MGST3: variants seen among roughly 807,000 people sequenced by gnomAD.
The protein encoded by MGST3 is microsomal glutathione S-transferase 3, also known as glutathione S-transferase 3, mitochondrial.
MGST3 carries 13 observed loss-of-function variants against 15.8 expected under a neutral mutation model. The observed-to-expected ratio is 0.82, with a 90% CI of 0.54 to 1.31. The LOEUF (loss-of-function observed/expected upper bound fraction) is 1.31. MGST3 is among the 50% of genes most tolerant of loss of function. The probability of loss-of-function intolerance (pLI) is 0.00; values close to 1 mark genes in which losing one functional copy is unlikely to be tolerated. For missense variants in MGST3, 155 were observed against 192.4 expected (o/e 0.81, Z 1.15); for synonymous variants, 49 against 68.1 (o/e 0.72, Z 1.38).
At position 165,655,646 on chromosome 1, in the gene MGST3, G is replaced by A. The variant is rs547905565; in HGVS notation, c.*142G>A. 188 of 995,202 alleles carry A rather than the reference G, an allele frequency of 1.9e-4. No homozygotes were observed. Among genetic ancestry groups the A allele is most frequent in the Non-Finnish European group, 2.5e-4 (170 of 671,290 alleles). The allele number at this position is 995,202 out of a possible 1,614,324, so 61.6% of individuals were successfully genotyped here. On this transcript the variant is annotated 3_prime_UTR_variant, in exon 6 of 6. Transcript: ENST00000367889. Reference sequence around the variant, plus strand: ...CTCCTGACTCTTACCACTCATTTCCGTTTGAGTCTGTATCTGAAATCAGTA... The same window carrying A: ...CTCCTGACTCTTACCACTCATTTCCATTTGAGTCTGTATCTGAAATCAGTA...
At chr1:165,649,144 T>G (rs1367110076) in intron 1 of MGST3, 1 of 152,822 alleles carries the variant, frequency 6.5e-6, no homozygotes, top group Non-Finnish European at 1.5e-5. Context: ...TCAGGAGCCA[T>G]GCTCTGCTTT....
Position 165,655,863 on chromosome 1 carries a change from G to C in MGST3, c.*359G>C. The C allele has an allele frequency of 3.6e-6, 1 of 279,956 alleles. No individual in the cohort carries two copies. Among genetic ancestry groups the C allele is most frequent in the Non-Finnish European group, 6.9e-6 (1 of 144,172 alleles). The allele number at this position is 279,956 out of a possible 1,614,324, so 17.3% of individuals were successfully genotyped here. ...AGGATATGCATTATCACTTGCTACA[G>C]ATACTCCAAGGCCAAAGGAATGCTT... On this transcript the variant is annotated 3_prime_UTR_variant, in exon 6 of 6. Coordinates refer to ENST00000367889, the MANE Select transcript of MGST3 (RefSeq NM_004528.4).
At chr1:165,633,450 TTTTA>T (rs1190156066) in intron 1 of MGST3, among the ~76,000 whole-genome samples, 1 of 152,238 alleles carries the variant, frequency 6.6e-6, no homozygotes. Context: ...CTTCATTTTT[TTTTA>T]TTTTTTTAAA....
intron 1 of MGST3, among the ~76,000 whole-genome samples, chr1:165,632,762 T>C (rs896997733): frequency 6.6e-6 from 1 of 152,160 alleles, no homozygotes; most frequent in East Asian, 1.9e-4. Context: ...TTTCTTCCTG[T>C]TGGCTTAGAG....
rs1289488860 is a variant in MGST3, at chr1:165,644,626, CAAT to C, written c.-7-5209_-7-5207del. 5.9e-5 allele frequency among the ~76,000 whole-genome samples: 9 copies of C among 152,236 alleles called. No homozygotes were observed. The East Asian group carries it at 1.7e-3, about 29-fold the overall frequency. ...CATTCATTTTTTAATATTTTATCTT[CAAT>C]AATAAGTTAAACTAGATTACTGAAG... is the stretch of plus-strand genomic sequence containing the variant. On this transcript the variant is annotated intron_variant, in intron 1 of 5. Coordinates refer to ENST00000367889, the MANE Select transcript of MGST3 (RefSeq NM_004528.4).
intron 1 of MGST3, among the ~76,000 whole-genome samples, chr1:165,634,486 A>G (rs1248179418): frequency 2.0e-5 from 3 of 152,152 alleles, no homozygotes; most frequent in Non-Finnish European, 4.4e-5. Context: ...GATTTCTCCT[A>G]CTTTTCTTCC....
intron 1 of MGST3, among the ~76,000 whole-genome samples, chr1:165,632,462 C>G (rs1647981049): frequency 6.6e-6 from 1 of 152,152 alleles, no homozygotes; most frequent in African/African-American, 2.4e-5. Context: ...TCAGAGAGCA[C>G]ATTGAGTCAG....
intron 1 of MGST3, among the ~76,000 whole-genome samples, chr1:165,642,064 T>G (rs1325561688): frequency 6.6e-6 from 1 of 152,186 alleles, no homozygotes; most frequent in Non-Finnish European, 1.5e-5. Context: ...TCCCTACCCA[T>G]TTATTTTGTT....
rs550297302 is a variant in MGST3, at chr1:165,650,566, T to G, written c.118-448T>G. The stretch of plus-strand genomic sequence containing the variant: ...AGTTTTTATATTTAGTTTCTTCTTT[T>G]TTTTCCCTTCCAGTGGACACTTCCA... On this transcript the variant is annotated intron_variant, in intron 2 of 5. Transcript: ENST00000367889. 5.0e-4 allele frequency: 92 copies of G among 184,150 alleles called. 1 individual carries two copies. The South Asian group carries it at 8.9e-3, about 18-fold the overall frequency. 11.4% of individuals were successfully genotyped at this position (184,150 alleles called of 1,614,324 possible).
intron 2 of MGST3, 135 bp downstream of exon 2, chr1:165,650,099 C>T (rs868073171): frequency 8.5e-6 from 11 of 1,297,972 alleles, no homozygotes; most frequent in East Asian, 7.3e-5. Context: ...ACTGTGTTAG[C>T]GATTCTGCTT....
At chr1:165,652,904 T>C (rs1648603515) in intron 4 of MGST3, among the ~76,000 whole-genome samples, 1 of 152,198 alleles carries the variant, frequency 6.6e-6, no homozygotes, top group South Asian at 2.1e-4. Context: ...CTCTAATTAA[T>C]TGCCATTTGG....
At chr1:165,638,240 A>C (rs1648166804) in intron 1 of MGST3, among the ~76,000 whole-genome samples, 1 of 152,234 alleles carries the variant, frequency 6.6e-6, no homozygotes, top group African/African-American at 2.4e-5. Flanking sequence ...GCACTTTGGG[A>C]GGCTGAGAGA....
intron 1 of MGST3, among the ~76,000 whole-genome samples, chr1:165,633,632 G>A (rs1482158193): frequency 6.6e-6 from 1 of 152,188 alleles, no homozygotes; most frequent in African/African-American, 2.4e-5. Flanking sequence ...AAAGCCAGCA[G>A]CCTAGGTGGT....
rs9333382 is a variant in MGST3, at chr1:165,633,163, CAGTT to C, written c.-8+1873_-8+1876del. Among the ~76,000 whole-genome samples the C allele has an allele frequency of 9.8e-3, 1,488 of 152,284 alleles. 52 individuals are homozygous for C. The highest frequency in any genetic ancestry group is 0.059 in the Admixed American group (904 of 15,296). On this transcript the variant is annotated intron_variant, in intron 1 of 5. Transcript: ENST00000367889. ...CCATCTTCCTGAACAAAAAATTTAGCAGTTAGCAGCAAGTAGATTATCGCTATGT... is the reference window on the plus strand; with the variant it reads ...CCATCTTCCTGAACAAAAAATTTAGCAGCAGCAAGTAGATTATCGCTATGT...
rs1648004881 is a variant in MGST3, at chr1:165,633,221, C to G, written c.-8+1928C>G. Among the ~76,000 whole-genome samples, 4 of 152,300 alleles carry G rather than the reference C, an allele frequency of 2.6e-5. No individual in the cohort carries two copies. The South Asian group carries it at 6.2e-4, about 24-fold the overall frequency. On this transcript the variant is annotated intron_variant, in intron 1 of 5. Transcript: ENST00000367889. Reference sequence around the variant, plus strand: ...ATAAAATTCCTGAGTTTCTGTCACTCGCTCTTACAGTACCTACCTGCCTAC... The same window carrying G: ...ATAAAATTCCTGAGTTTCTGTCACTGGCTCTTACAGTACCTACCTGCCTAC...
intron 4 of MGST3, among the ~76,000 whole-genome samples, chr1:165,653,166 G>T (rs916237523): frequency 6.6e-6 from 1 of 152,058 alleles, no homozygotes; most frequent in Non-Finnish European, 1.5e-5. Flanking sequence ...TATCTTTCTG[G>T]TGCCTCTAAA....
intron 1 of MGST3, among the ~76,000 whole-genome samples, chr1:165,641,147 C>T (rs757474014): frequency 2.0e-5 from 3 of 152,094 alleles, no homozygotes; most frequent in Non-Finnish European, 2.9e-5. Context: ...CGTGCCACTT[C>T]ACTCTAGCCT....
intron 4 of MGST3, among the ~76,000 whole-genome samples, chr1:165,652,392 G>C (rs1267604841): frequency 6.6e-6 from 1 of 152,122 alleles, no homozygotes; most frequent in Admixed American, 6.5e-5. Flanking sequence ...CACCACCTGG[G>C]GTAAAGCAGT....
intron 5 of MGST3, 135 bp from the exon 6 acceptor site, chr1:165,655,231 TAA>T (rs1648675755): frequency 9.4e-7 from 1 of 1,067,808 alleles, no homozygotes; most frequent in Non-Finnish European, 1.4e-6. Flanking sequence ...AGCTTCAGGC[TAA>T]AGAGTTAGTT....
Sources: gnomAD v4.1 joint callset for allele counts (sites outside exome capture counted in the v4.1 genomes callset) on GRCh38, gnomAD v4.1.1 for gene constraint, MANE v1.5 for transcripts, NCBI Gene and HGNC (gene_info 2026-07-23, HGNC 2026-07-21) for gene names.